Variants in COL25A1 observed in about 807,000 individuals in gnomAD.
COL25A1 encodes collagen type XXV alpha 1 chain, also known as collagen alpha-1(XXV) chain.
COL25A1 carries 103 observed loss-of-function variants against 128.4 expected under a neutral mutation model. The observed-to-expected ratio is 0.80, with a 90% CI of 0.68 to 0.94. The LOEUF is 0.94. Ranked by LOEUF, COL25A1 falls within the 40% of genes least tolerant of loss-of-function variation. The pLI, the probability that COL25A1 is intolerant of heterozygous loss-of-function variation, is 0.00. For missense variants in COL25A1, 745 were observed against 840.0 expected (o/e 0.89, Z 1.40); for synonymous variants, 279 against 277.2 (o/e 1.01, Z -0.06).
chr4:109,278,980 C>T (rs1723101773), intron 3 of COL25A1, among the ~76,000 whole-genome samples: 2 of 152,078 alleles, frequency 1.3e-5, no homozygotes, highest in Non-Finnish European at 2.9e-5. Flanking sequence ...CACGTCAACT[C>T]CCTAGGGACC....
chr4:109,027,207 G>C (rs1758380062), intron 5 of COL25A1, among the ~76,000 whole-genome samples: 12 of 152,194 alleles, frequency 7.9e-5, no homozygotes, highest in Admixed American at 7.2e-4. Context: ...GGACTCAGCA[G>C]GAAAGTACAT....
At chr4:108,912,966 T>C (rs1296523481) in intron 13 of COL25A1, among the ~76,000 whole-genome samples, 1 of 152,160 alleles carries the variant, frequency 6.6e-6, no homozygotes, top group Admixed American at 6.5e-5. Flanking sequence ...GATTCATAGT[T>C]GACACACTAA....
chr4:109,269,066 A>C (rs1015814695), intron 3 of COL25A1, among the ~76,000 whole-genome samples: 1 of 140,492 alleles, frequency 7.1e-6, no homozygotes, highest in African/African-American at 2.7e-5. Flanking sequence ...ATATCTCCCA[A>C]TGCTATCCCT....
intron 8 of COL25A1, among the ~76,000 whole-genome samples, chr4:108,959,392 A>G (rs577644726): frequency 6.6e-6 from 1 of 152,244 alleles, no homozygotes; most frequent in South Asian, 2.1e-4. Context: ...GCAGCCTCTA[A>G]TCTGCTCCTT....
intron 3 of COL25A1, among the ~76,000 whole-genome samples, chr4:109,174,420 G>A (rs1288144834): frequency 6.6e-6 from 1 of 152,124 alleles, no homozygotes; most frequent in South Asian, 2.1e-4. Flanking sequence ...TGAGTAGCAC[G>A]TTTCAGTTCC....
At chr4:109,160,531 C>T (rs1772463301) in intron 3 of COL25A1, among the ~76,000 whole-genome samples, 1 of 152,160 alleles carries the variant, frequency 6.6e-6, no homozygotes, top group Admixed American at 6.5e-5. Context: ...TATTTTTATA[C>T]CTAAGTTCGC....
chr4:108,951,755 T>C (rs745974221), intron 8 of COL25A1, among the ~76,000 whole-genome samples: 3 of 152,152 alleles, frequency 2.0e-5, no homozygotes, highest in Non-Finnish European at 4.4e-5. Context: ...AAAAACTTAC[T>C]TGAACAGATG....
chr4:108,926,604 C>T (rs1440519078), intron 11 of COL25A1, among the ~76,000 whole-genome samples: 6 of 152,134 alleles, frequency 3.9e-5, no homozygotes, highest in African/African-American at 1.2e-4. Context: ...GGGTTTGGTA[C>T]AACAGACTTT....
At chr4:108,987,664 G>A (rs767669884) in intron 6 of COL25A1, among the ~76,000 whole-genome samples, 9 of 152,136 alleles carry the variant, frequency 5.9e-5, no homozygotes, top group Admixed American at 6.5e-5. Flanking sequence ...GTGAGCCACC[G>A]CGCCCGGCCG....
chr4:109,143,591 C>G (rs974658844), intron 3 of COL25A1, among the ~76,000 whole-genome samples: 1 of 152,142 alleles, frequency 6.6e-6, no homozygotes, highest in African/African-American at 2.4e-5. Context: ...TTTTTGGAGG[C>G]TTTCTTCGTT....
intron 3 of COL25A1, among the ~76,000 whole-genome samples, chr4:109,081,868 T>A (rs1763865454): frequency 6.6e-6 from 1 of 152,042 alleles, no homozygotes; most frequent in African/African-American, 2.4e-5. Context: ...CACGCCCGGC[T>A]AATTTTTGTA....
chr4:109,167,124 T>C (rs1773144896), intron 3 of COL25A1, among the ~76,000 whole-genome samples: 1 of 152,164 alleles, frequency 6.6e-6, no homozygotes. Flanking sequence ...GTTAGACAAA[T>C]GTTCGTGAGG....
At chr4:109,170,074 AAT>A (rs1475570699) in intron 3 of COL25A1, among the ~76,000 whole-genome samples, 2 of 152,288 alleles carry the variant, frequency 1.3e-5, no homozygotes, top group African/African-American at 4.8e-5. Context: ...GACAAAAAAT[AAT>A]ATGTCATAGA....
chr4:109,015,622 C>T (rs1380537912), intron 5 of COL25A1, among the ~76,000 whole-genome samples: 1 of 152,168 alleles, frequency 6.6e-6, no homozygotes. Flanking sequence ...AAATGCAATG[C>T]TCAGGGCAAC....
intron 3 of COL25A1, among the ~76,000 whole-genome samples, chr4:109,141,848 G>T (rs184970541): frequency 3.0e-4 from 46 of 152,030 alleles, no homozygotes; most frequent in Non-Finnish European, 4.0e-4. Flanking sequence ...CTGGCTAGTG[G>T]TCTATCTGTT....
chr4:109,254,542 C>G (rs547095058), intron 3 of COL25A1, among the ~76,000 whole-genome samples: 7 of 103,732 alleles, frequency 6.7e-5, no homozygotes, highest in African/African-American at 2.4e-4. Context: ...TATATCTGTT[C>G]ATGTGTAATA....
intron 20 of COL25A1, among the ~76,000 whole-genome samples, chr4:108,864,684 G>A (rs1319051347): frequency 3.9e-5 from 6 of 152,166 alleles, no homozygotes; most frequent in Non-Finnish European, 7.4e-5. Context: ...ATTGTGGATT[G>A]GATCCCTGGA....
chr4:108,817,503 G>T, intron 36 of COL25A1, 68 bp from the exon 37 acceptor site: 1 of 1,419,654 alleles, frequency 7.0e-7, no homozygotes, highest in Non-Finnish European at 9.8e-7. Flanking sequence ...TAATTCACAT[G>T]CTCAGAGGCT....
intron 3 of COL25A1, among the ~76,000 whole-genome samples, chr4:109,165,877 T>A (rs2126125259): frequency 6.6e-6 from 1 of 152,336 alleles, no homozygotes; most frequent in South Asian, 2.1e-4. Flanking sequence ...GAAGAAGGCT[T>A]GTACATAAAC....
Sources: gnomAD v4.1 joint callset for allele counts (sites outside exome capture counted in the v4.1 genomes callset) on GRCh38, gnomAD v4.1.1 for gene constraint, MANE v1.5 for transcripts, NCBI Gene and HGNC (gene_info 2026-07-23, HGNC 2026-07-21) for gene names.